The following CARMIL1 variants were observed in gnomAD, a reference collection of about 807,000 sequenced individuals.
CARMIL1 encodes the protein capping protein regulator and myosin 1 linker 1, also known as F-actin-uncapping protein LRRC16A.
Under a neutral mutation model 177.1 loss-of-function variants are expected in CARMIL1, and 90 were observed. That is an observed-to-expected ratio of 0.51 (90% CI 0.43 to 0.61). The LOEUF (loss-of-function observed/expected upper bound fraction) is 0.61. Ranked by LOEUF, CARMIL1 falls within the 20% of genes least tolerant of loss-of-function variation. The pLI is 0.00. For synonymous variants in CARMIL1, 577 were observed against 606.2 expected (o/e 0.95, Z 0.71); for missense variants, 1,380 against 1,667.0 (o/e 0.83, Z 3.00).
intron 36 of CARMIL1, 38 bp downstream of exon 36, chr6:25,610,219 C>T (rs780554963): frequency 1.9e-6 from 3 of 1,589,164 alleles, no homozygotes; most frequent in South Asian, 2.3e-5. Flanking sequence ...TGGGTTAGCT[C>T]TCCCCAAGGA....
At chr6:25,533,688 CTT>C (rs1426130872) in intron 24 of CARMIL1, among the ~76,000 whole-genome samples, 3 of 152,134 alleles carry the variant, frequency 2.0e-5, no homozygotes, top group Non-Finnish European at 2.9e-5. Context: ...AACTCTTTCT[CTT>C]TTCATATCCC....
intron 8 of CARMIL1, chr6:25,451,942 A>G (rs1798967274): frequency 3.3e-6 from 2 of 608,612 alleles, no homozygotes; most frequent in South Asian, 3.8e-5. Flanking sequence ...GAAGTGTCAC[A>G]GAGGATTGTT....
At chr6:25,320,179 C>T (rs1424622837) in intron 2 of CARMIL1, among the ~76,000 whole-genome samples, 1 of 152,140 alleles carries the variant, frequency 6.6e-6, no homozygotes, top group East Asian at 1.9e-4. Flanking sequence ...CTTCCTCCTG[C>T]CCACCCCTCT....
chr6:25,332,350 G>A (rs1785709783), intron 2 of CARMIL1, among the ~76,000 whole-genome samples: 1 of 152,170 alleles, frequency 6.6e-6, no homozygotes, highest in Non-Finnish European at 1.5e-5. Flanking sequence ...AAGATGGGTA[G>A]GCAAAAATGG....
At chr6:25,416,009 A>G (rs1795327198) in intron 2 of CARMIL1, among the ~76,000 whole-genome samples, 1 of 152,040 alleles carries the variant, frequency 6.6e-6, no homozygotes, top group Non-Finnish European at 1.5e-5. Flanking sequence ...CAGTGAGGAG[A>G]GGCACAGATA....
intron 35 of CARMIL1, 61 bp from the exon 36 acceptor site, chr6:25,609,989 C>A: frequency 1.3e-6 from 2 of 1,494,400 alleles, no homozygotes; most frequent in Non-Finnish European, 9.0e-7. Context: ...ATTTACCAGG[C>A]TTTATGTTCT....
At chr6:25,336,711 C>CTA (rs1362706929) in intron 2 of CARMIL1, among the ~76,000 whole-genome samples, 2 of 152,054 alleles carry the variant, frequency 1.3e-5, no homozygotes, top group Non-Finnish European at 2.9e-5. Flanking sequence ...TTTTATAGTA[C>CTA]ATAGGACATG....
chr6:25,559,259 A>G (rs1810905573), intron 29 of CARMIL1, among the ~76,000 whole-genome samples: 2 of 152,168 alleles, frequency 1.3e-5, no homozygotes, highest in Non-Finnish European at 2.9e-5. Context: ...AAAGTAGCAA[A>G]CCATTATTGT....
chr6:25,525,685 A>G (rs1302310200), intron 23 of CARMIL1, among the ~76,000 whole-genome samples: 1 of 152,208 alleles, frequency 6.6e-6, no homozygotes, highest in African/African-American at 2.4e-5. Flanking sequence ...AAAGGAATTG[A>G]CAATATTCTG....
At chr6:25,383,965 G>T (rs901520414) in intron 2 of CARMIL1, among the ~76,000 whole-genome samples, 1 of 152,100 alleles carries the variant, frequency 6.6e-6, no homozygotes, top group South Asian at 2.1e-4. Context: ...TCAGCCTCCT[G>T]AGTAGCTGGG....
rs111904004 is a variant in CARMIL1, at chr6:25,604,096, AG to A, written c.3553-714del. ...TTATATATATATTTTTAAATAGATA[AG>A]GTCTCGCTCTGTCACCCAGGCTGGA... On this transcript the variant is annotated intron_variant, in intron 33 of 36. Transcript: ENST00000329474. Among the ~76,000 whole-genome samples the A allele has an allele frequency of 6.3e-3, 954 of 152,282 alleles. 11 individuals carry two copies. The highest frequency in any genetic ancestry group is 0.021 in the African/African-American group (865 of 41,558).
rs2151044899 is a variant in CARMIL1 at position 25,509,427 on chromosome 6, T to G, written c.1396-229T>G. On this transcript the variant is annotated intron_variant, in intron 17 of 36. Coordinates refer to ENST00000329474, the MANE Select transcript of CARMIL1 (RefSeq NM_017640.6). This position sits in a 1 kb window ranked among gnomAD's most constrained non-coding sequence, Gnocchi z 4.1. ...ATCTTGTTTCTCTTTTGTTTTTTTCTAATGTTTTTAGGATTTAATGTGGGA... is the reference window on the plus strand; with the variant it reads ...ATCTTGTTTCTCTTTTGTTTTTTTCGAATGTTTTTAGGATTTAATGTGGGA... Among the ~76,000 whole-genome samples, 1 of 152,326 alleles carries G rather than the reference T, an allele frequency of 6.6e-6. No homozygotes were observed. Among genetic ancestry groups the G allele is most frequent in the South Asian group, 2.1e-4 (1 of 4,832 alleles).
At chr6:25,540,776 C>T (rs1055149653) in intron 26 of CARMIL1, among the ~76,000 whole-genome samples, 1 of 152,098 alleles carries the variant, frequency 6.6e-6, no homozygotes, top group Non-Finnish European at 1.5e-5. Context: ...ATTATTTGGC[C>T]TGTTTTCTTC....
chr6:25,364,210 T>A (rs1410969977), intron 2 of CARMIL1, among the ~76,000 whole-genome samples: 6 of 152,076 alleles, frequency 3.9e-5, no homozygotes, highest in Non-Finnish European at 1.5e-5. Flanking sequence ...TCCCAGAGTG[T>A]TGGGATTACA....
rs564481130 is a variant in CARMIL1, at chr6:25,600,290, T to A, written c.3120-24T>A. 2.0e-5 allele frequency: 32 copies of A among 1,581,458 alleles called. No homozygotes were observed. In the East Asian group the frequency reaches 6.3e-4, roughly 31 times the overall value. On this transcript the variant is annotated intron_variant, in intron 32 of 36. Transcript: ENST00000329474. ...ACTTATTTACAGTAAAAACAACAGA[T>A]CTGTGTCTTGGTTTGAAATGCAGGA...
At chr6:25,478,965 A>T in intron 11 of CARMIL1, 1 of 386,074 alleles carries the variant, frequency 2.6e-6, no homozygotes. Context: ...TTTTTCACTT[A>T]CTTTCCTTAG....
rs576041372 is a variant in CARMIL1 at position 25,336,006 on chromosome 6, C to T, written c.138+51097C>T. ...GTGCTGGCCCAATGAAATAGTCTCTCGGCCATTTGACTACTTCAGTTTAGG... is the reference window on the plus strand; with the variant it reads ...GTGCTGGCCCAATGAAATAGTCTCTTGGCCATTTGACTACTTCAGTTTAGG... On this transcript the variant is annotated intron_variant, in intron 2 of 36. Transcript: ENST00000329474. Among the ~76,000 whole-genome samples, 8 of 150,552 alleles carry T rather than the reference C, an allele frequency of 5.3e-5. 1 individual carries two copies. The South Asian group carries it at 6.3e-4, about 12-fold the overall frequency.
chr6:25,483,353 T>C (rs1452117323), intron 12 of CARMIL1, among the ~76,000 whole-genome samples: 1 of 152,226 alleles, frequency 6.6e-6, no homozygotes, highest in Non-Finnish European at 1.5e-5. Flanking sequence ...TTTCTACTTA[T>C]GTATGAACAT....
chr6:25,502,010 A>AC (rs1804418448), intron 17 of CARMIL1, among the ~76,000 whole-genome samples: 1 of 151,188 alleles, frequency 6.6e-6, no homozygotes, highest in Admixed American at 6.6e-5. Flanking sequence ...AAAAAAAAAA[A>AC]AACCCAAACA....
Sources: allele counts gnomAD v4.1 joint callset (sites outside exome capture counted in the v4.1 genomes callset), GRCh38; gene constraint gnomAD v4.1.1; non-coding constraint Gnocchi (gnomAD v3.1); transcripts MANE v1.5; gene names NCBI Gene and HGNC (gene_info 2026-07-23, HGNC 2026-07-21).